Variants in RNF227 observed in about 807,000 individuals in gnomAD.
RNF227 encodes long intergenic non-protein coding RNA 2581.
RNF227 carries 8 observed loss-of-function variants against 4.9 expected under a neutral mutation model. The ratio of observed to expected loss-of-function variants is 1.65; its 90% CI spans 0.97 to 2.98. The LOEUF (loss-of-function observed/expected upper bound fraction) is 2.98. RNF227 is among the 30% of genes most tolerant of loss of function. The probability of loss-of-function intolerance (pLI) is 0.00; values close to 1 mark genes in which losing one functional copy is unlikely to be tolerated. For missense variants in RNF227, 136 were observed against 65.4 expected, an observed-to-expected ratio of 2.08 and a Z score of -3.72; for synonymous variants, 63 against 28.1, an observed-to-expected ratio of 2.25 and a Z score of -3.94.
In RNF227 at chr17:7,915,494, CT is replaced by C. The variant is rs776314711; in HGVS notation, c.*27del. ...CCGCGAGGCTGCAGCTCCCACCTTC[CT>C]TCGGCTGTAGCTTCCGAGTTCCTCG... On this transcript the variant is annotated 3_prime_UTR_variant, in exon 2 of 2. Coordinates refer to ENST00000324348, the MANE Select transcript of RNF227 (RefSeq NM_001358699.2). The C allele has an allele frequency of 1.0e-5, 7 of 702,932 alleles. No individual in the cohort carries two copies. The African/African-American group carries it at 1.0e-4, about 11-fold the overall frequency. The allele number at this position is 702,932 out of a possible 1,614,324, so 43.5% of individuals were successfully genotyped here.
At position 7,914,714 on chromosome 17, in the gene RNF227, G is replaced by GC. The variant is rs1971943172; in HGVS notation, c.*807dup. On this transcript the variant is annotated 3_prime_UTR_variant, in exon 2 of 2. Coordinates refer to ENST00000324348, the MANE Select transcript of RNF227 (RefSeq NM_001358699.2). ...ACAGGATTCTAAAATAGAATACATG[G>GC]CATATATACAACAGGTGATGTCCCA... The GC allele has an allele frequency of 6.6e-6, 1 of 152,324 alleles. No individual in the cohort carries two copies. Among genetic ancestry groups the GC allele is most frequent in the Admixed American group, 6.5e-5 (1 of 15,282 alleles). The allele number at this position is 152,324 out of a possible 1,614,324, so 9.4% of individuals were successfully genotyped here.
chr17:7,916,253 A>G lies in RNF227; in HGVS notation c.-58T>C. ...CGCGGCCAGCTCCGTGAACAGAACG[A>G]GCACACTCTCCTGGGGCCGGGTCGG... On this transcript the variant is annotated 5_prime_UTR_variant, in exon 1 of 2. Transcript: ENST00000324348. 2.7e-6 allele frequency: 1 copy of G among 370,586 alleles called. No individual in the cohort carries two copies. Among genetic ancestry groups the G allele is most frequent in the Non-Finnish European group, 4.8e-6 (1 of 207,558 alleles). 23.0% of individuals were successfully genotyped at this position (370,586 alleles called of 1,614,324 possible).
In RNF227 at chr17:7,914,668, A is replaced by G. The variant is rs1000513172; in HGVS notation, c.*854T>C. On this transcript the variant is annotated 3_prime_UTR_variant, in exon 2 of 2. Coordinates refer to ENST00000324348, the MANE Select transcript of RNF227 (RefSeq NM_001358699.2). Reference sequence around the variant, plus strand: ...ACACCAACACTGCTGGTCCTTGACTATGACTTTATGGTCATAAGATACAGG... The same window carrying G: ...ACACCAACACTGCTGGTCCTTGACTGTGACTTTATGGTCATAAGATACAGG... 2.0e-5 allele frequency: 3 copies of G among 152,298 alleles called. No individual in the cohort carries two copies. The highest frequency in any genetic ancestry group is 4.4e-5 in the Non-Finnish European group (3 of 68,086). The allele number at this position is 152,298 out of a possible 1,614,324, so 9.4% of individuals were successfully genotyped here.
Position 7,915,904 on chromosome 17 carries a change from A to T in RNF227, c.292T>A (p.Ser98Thr). The change falls in exon 1 of 2, where the codon TCG becomes ACG. Residue 98 changes from serine (S) to threonine (T), a missense_variant. Ser to Thr is a moderately conservative substitution (Grantham distance 58). Coordinates refer to ENST00000324348, the MANE Select transcript of RNF227 (RefSeq NM_001358699.2). ...TCCTCCAATCGCGACCACAAGTCCGAGTCAAGAGCCATCTCCGTGAGGCCG... is the reference window on the plus strand; with the variant it reads ...TCCTCCAATCGCGACCACAAGTCCGTGTCAAGAGCCATCTCCGTGAGGCCG... ...RGGLTEMALD[S>T]DLWSRLEEKA... is the part of the protein sequence containing the mutation. The T allele has an allele frequency of 1.4e-6, 1 of 701,790 alleles. No individual in the cohort carries two copies. Among genetic ancestry groups the T allele is most frequent in the South Asian group, 1.5e-5 (1 of 67,578 alleles). 43.5% of individuals were successfully genotyped at this position (701,790 alleles called of 1,614,324 possible).
In RNF227 at chr17:7,915,544, T is replaced by G. The variant is rs1255847472; in HGVS notation, c.551A>C (p.His184Pro). 1 of 702,990 alleles carries G rather than the reference T, an allele frequency of 1.4e-6. No homozygotes were observed. The highest frequency in any genetic ancestry group is 1.7e-5 in the African/African-American group (1 of 57,266). The allele number at this position is 702,990 out of a possible 1,614,324, so 43.5% of individuals were successfully genotyped here. A position where few individuals can be genotyped will look rare whatever the true frequency, so the allele number is the denominator to read the frequency against. The change falls in exon 2 of 2, where the codon CAC (histidine) becomes CCC (proline). Residue 184 changes from histidine to proline, a missense_variant. Transcript: ENST00000324348. ...LYCAEIKDIGHLTRCTL is the reference protein window; with the variant it reads ...LYCAEIKDIGPLTRCTL ...CGGTTACAACGTGCAACGGGTCAGG[T>G]GGCCAATGTCCTTGATCTCCGCACA...
rs1971950650 is a variant in RNF227, at chr17:7,915,228, C to T, written c.*294G>A. The T allele has an allele frequency of 1.9e-6, 1 of 521,310 alleles. No homozygotes were observed. Among genetic ancestry groups the T allele is most frequent in the Admixed American group, 3.1e-5 (1 of 32,732 alleles). 32.3% of individuals were successfully genotyped at this position (521,310 alleles called of 1,614,324 possible). ...GCCACCCTGGACAAAAGCCAACGTC[C>T]CAGCTAAGAAAACAGTCTGTCTTCT... On this transcript the variant is annotated 3_prime_UTR_variant, in exon 2 of 2. Transcript: ENST00000324348.
At position 7,915,498 on chromosome 17, in the gene RNF227, G is replaced by A. The variant is rs907483576; in HGVS notation, c.*24C>T. 1 of 703,020 alleles carries A rather than the reference G, an allele frequency of 1.4e-6. No homozygotes were observed. The highest frequency in any genetic ancestry group is 2.6e-6 in the Non-Finnish European group (1 of 385,012). 43.5% of individuals were successfully genotyped at this position (703,020 alleles called of 1,614,324 possible). On this transcript the variant is annotated 3_prime_UTR_variant, in exon 2 of 2. Transcript: ENST00000324348. The stretch of plus-strand genomic sequence containing the variant: ...GAGGCTGCAGCTCCCACCTTCCTTC[G>A]GCTGTAGCTTCCGAGTTCCTCGGTT...
rs1163410381 is a variant in RNF227, at chr17:7,914,097, A to C, written c.*1425T>G. On this transcript the variant is annotated 3_prime_UTR_variant, in exon 2 of 2. Coordinates refer to ENST00000324348, the MANE Select transcript of RNF227 (RefSeq NM_001358699.2). ...ACAGAGCAAGACTCCATCTCAAAAA[A>C]AAAAAAAAAGAACTTTGGATAAAAT... is the stretch of plus-strand genomic sequence containing the variant. 1 of 152,010 alleles carries C rather than the reference A, an allele frequency of 6.6e-6. No homozygotes were observed. 9.4% of individuals were successfully genotyped at this position (152,010 alleles called of 1,614,324 possible). A position where few individuals can be genotyped will look rare whatever the true frequency, so the allele number is the denominator to read the frequency against.
In RNF227 at chr17:7,915,951, G is replaced by T. The variant is rs1971964475; in HGVS notation, c.245C>A (p.Ala82Glu). Reference sequence around the variant, plus strand: ...GCCGCCGCGAGGGAGCTGCGAGGGCGCGCGGCAGAAGGGGCACGTGACCAC... The same window carrying T: ...GCCGCCGCGAGGGAGCTGCGAGGGCTCGCGGCAGAAGGGGCACGTGACCAC... ...RRVVTCPFCRAPSQLPRGGLT... is the reference protein window; with the variant it reads ...RRVVTCPFCREPSQLPRGGLT... Residue 82 changes from alanine to glutamate, a missense_variant, in exon 1 of 2, where the codon GCG (alanine) becomes GAG (glutamate). By Grantham distance (107) the Ala-to-Glu change is moderately radical. Transcript: ENST00000324348. The T allele has an allele frequency of 1.5e-6, 1 of 671,920 alleles. No individual in the cohort carries two copies. Among genetic ancestry groups the T allele is most frequent in the African/African-American group, 1.8e-5 (1 of 56,106 alleles). The allele number at this position is 671,920 out of a possible 1,614,324, so 41.6% of individuals were successfully genotyped here. A position where few individuals can be genotyped will look rare whatever the true frequency, so the allele number is the denominator to read the frequency against.
rs1971946653 is a variant in RNF227 at position 7,914,923 on chromosome 17, T to C, written c.*599A>G. On this transcript the variant is annotated 3_prime_UTR_variant, in exon 2 of 2. Transcript: ENST00000324348. ...ATTAGGTGCCTCACATAAATGCCCT[T>C]TGGAATTTCTGATACCTGCCCTAGC... 5.9e-6 allele frequency: 1 copy of C among 169,326 alleles called. No individual in the cohort carries two copies. The highest frequency in any genetic ancestry group is 5.8e-5 in the Admixed American group (1 of 17,212). The allele number at this position is 169,326 out of a possible 1,614,324, so 10.5% of individuals were successfully genotyped here.
chr17:7,915,041 G>T lies in RNF227; in HGVS notation c.*481C>A. 3.9e-6 allele frequency: 1 copy of T among 253,640 alleles called. No homozygotes were observed. Among genetic ancestry groups the T allele is most frequent in the South Asian group, 4.1e-5 (1 of 24,386 alleles). 15.7% of individuals were successfully genotyped at this position (253,640 alleles called of 1,614,324 possible). On this transcript the variant is annotated 3_prime_UTR_variant, in exon 2 of 2. Transcript: ENST00000324348. ...ATTTCTGGAACACAGAACTGGGAGT[G>T]GGGAGACAGCAGGCATACCAGCACC...
chr17:7,916,261 C>T lies in RNF227; in HGVS notation c.-66G>A, dbSNP rs1020778735. The T allele has an allele frequency of 2.2e-5, 8 of 364,378 alleles. No individual in the cohort carries two copies. The highest frequency in any genetic ancestry group is 8.5e-5 in the African/African-American group (4 of 47,214). The allele number at this position is 364,378 out of a possible 1,614,324, so 22.6% of individuals were successfully genotyped here. A position where few individuals can be genotyped will look rare whatever the true frequency, so the allele number is the denominator to read the frequency against. On this transcript the variant is annotated 5_prime_UTR_variant, in exon 1 of 2. Transcript: ENST00000324348. The stretch of plus-strand genomic sequence containing the variant: ...GCTCCGTGAACAGAACGAGCACACT[C>T]TCCTGGGGCCGGGTCGGGTCCTGGG...
rs893774750 is a variant in RNF227, at chr17:7,916,091, C to A, written c.105G>T (p.Leu35=). ...CGCAGCGGGCGCGCGCCGTTCCGGG[C>A]AGGCGGCGGGGCGCGCGGCACCCGA... ...FNLGCRAPRR[L]PGTARARCGH... is the part of the protein sequence containing the mutation. The change falls in exon 1 of 2, where the codon CTG becomes CTT. Residue 35 remains leucine, a synonymous_variant. Transcript: ENST00000324348. 31 of 390,048 alleles carry A rather than the reference C, an allele frequency of 7.9e-5. No homozygotes were observed. The highest frequency in any genetic ancestry group is 5.8e-4 in the African/African-American group (28 of 48,046). 24.2% of individuals were successfully genotyped at this position (390,048 alleles called of 1,614,324 possible). A position where few individuals can be genotyped will look rare whatever the true frequency, so the allele number is the denominator to read the frequency against.
rs1206797336 is a variant in RNF227 at position 7,916,117 on chromosome 17, G to A, written c.79C>T (p.Leu27Phe). The change falls in exon 1 of 2, where the codon CTC becomes TTC. Residue 27 changes from leucine (L) to phenylalanine (F), a missense_variant. Coordinates refer to ENST00000324348, the MANE Select transcript of RNF227 (RefSeq NM_001358699.2). ...AGGCGGCGGGGCGCGCGGCACCCGA[G>A]GTTGAAAGGACGGTAGCAGATGTTG... The part of the protein sequence containing the change: ...DCNICYRPFN[L>F]GCRAPRRLPG... 3 of 396,014 alleles carry A rather than the reference G, an allele frequency of 7.6e-6. No homozygotes were observed. The highest frequency in any genetic ancestry group is 1.3e-5 in the Non-Finnish European group (3 of 224,482). 24.5% of individuals were successfully genotyped at this position (396,014 alleles called of 1,614,324 possible). A position where few individuals can be genotyped will look rare whatever the true frequency, so the allele number is the denominator to read the frequency against.
chr17:7,913,555 G>T lies in RNF227; in HGVS notation c.*1967C>A, dbSNP rs1971908772. ...TCTACTATGTTGAAGGCAGAAAAAG[G>T]CCTCCCAAAAGAGGGAGCATTTAAG... On this transcript the variant is annotated 3_prime_UTR_variant, in exon 2 of 2. Coordinates refer to ENST00000324348, the MANE Select transcript of RNF227 (RefSeq NM_001358699.2). 1 of 152,160 alleles carries T rather than the reference G, an allele frequency of 6.6e-6. No homozygotes were observed. The highest frequency in any genetic ancestry group is 6.5e-5 in the Admixed American group (1 of 15,286). 9.4% of individuals were successfully genotyped at this position (152,160 alleles called of 1,614,324 possible).
In RNF227 at chr17:7,916,282, C is replaced by G. The variant is rs1450591886; in HGVS notation, c.-87G>C. 2.9e-6 allele frequency: 1 copy of G among 346,018 alleles called. No individual in the cohort carries two copies. The highest frequency in any genetic ancestry group is 5.2e-6 in the Non-Finnish European group (1 of 191,466). The allele number at this position is 346,018 out of a possible 1,614,324, so 21.4% of individuals were successfully genotyped here. ...CACTCTCCTGGGGCCGGGTCGGGTC[C>G]TGGGGCCGGCGCCGCGGCCTCTTTC... is the stretch of plus-strand genomic sequence containing the variant. On this transcript the variant is annotated 5_prime_UTR_variant, in exon 1 of 2. Transcript: ENST00000324348.
chr17:7,915,072 A>G lies in RNF227; in HGVS notation c.*450T>C, dbSNP rs1971948583. The G allele has an allele frequency of 1.3e-5, 4 of 311,262 alleles. No homozygotes were observed. The highest frequency in any genetic ancestry group is 8.3e-5 in the South Asian group (3 of 36,042). 19.3% of individuals were successfully genotyped at this position (311,262 alleles called of 1,614,324 possible). A position where few individuals can be genotyped will look rare whatever the true frequency, so the allele number is the denominator to read the frequency against. ...ACAGCAGGCATACCAGCACCCTTAC[A>G]TGCCAGAGAAGTGAGATTAACATGA... On this transcript the variant is annotated 3_prime_UTR_variant, in exon 2 of 2. Coordinates refer to ENST00000324348, the MANE Select transcript of RNF227 (RefSeq NM_001358699.2).
rs757342948 is a variant in RNF227 at position 7,915,934 on chromosome 17, G to T, written c.262C>A (p.Arg88Ser). Residue 88 changes from arginine (R) to serine (S), a missense_variant, in exon 1 of 2, where the codon CGC becomes AGC. Physicochemically the swap from Arg to Ser is moderately radical, Grantham distance 110. Coordinates refer to ENST00000324348, the MANE Select transcript of RNF227 (RefSeq NM_001358699.2). ...AGAGCCATCTCCGTGAGGCCGCCGC[G>T]AGGGAGCTGCGAGGGCGCGCGGCAG... is the stretch of plus-strand genomic sequence containing the variant. ...PFCRAPSQLP[R>S]GGLTEMALDS... The T allele has an allele frequency of 1.5e-6, 1 of 687,406 alleles. No individual in the cohort carries two copies. Among genetic ancestry groups the T allele is most frequent in the African/African-American group, 1.8e-5 (1 of 56,846 alleles). The allele number at this position is 687,406 out of a possible 1,614,324, so 42.6% of individuals were successfully genotyped here. A position where few individuals can be genotyped will look rare whatever the true frequency, so the allele number is the denominator to read the frequency against.
Position 7,915,177 on chromosome 17 carries a change from G to T in RNF227, c.*345C>A. ...ACCATTGACAAAGAATTGCTAAAATGGGACCTGTTGCTCCCACACACCAGA... is the reference window on the plus strand; with the variant it reads ...ACCATTGACAAAGAATTGCTAAAATTGGACCTGTTGCTCCCACACACCAGA... On this transcript the variant is annotated 3_prime_UTR_variant, in exon 2 of 2. Coordinates refer to ENST00000324348, the MANE Select transcript of RNF227 (RefSeq NM_001358699.2). 2.4e-6 allele frequency: 1 copy of T among 415,530 alleles called. No individual in the cohort carries two copies. Among genetic ancestry groups the T allele is most frequent in the Admixed American group, 3.7e-5 (1 of 27,196 alleles). 25.7% of individuals were successfully genotyped at this position (415,530 alleles called of 1,614,324 possible).
Sources: gnomAD v4.1 joint callset for allele counts on GRCh38, gnomAD v4.1.1 for gene constraint, MANE v1.5 for transcripts, NCBI Gene and HGNC (gene_info 2026-07-23, HGNC 2026-07-21) for gene names.